Variants in GABRR1 observed in about 807,000 individuals in gnomAD.
GABRR1 encodes the protein gamma-aminobutyric acid type A receptor subunit rho1.
In GABRR1, 59 loss-of-function variants were observed where a neutral mutation model predicts 55.5. The ratio of observed to expected loss-of-function variants is 1.06; its 90% CI spans 0.86 to 1.32. The LOEUF is 1.32. Ranked by LOEUF, GABRR1 falls within the 40% of genes most tolerant of loss-of-function variation. GABRR1 has a pLI of 0.00. For synonymous variants in GABRR1, 213 were observed against 226.0 expected (o/e 0.94, Z 0.51); for missense variants, 602 against 619.1 (o/e 0.97, Z 0.29).
chr6:89,189,832 G>T (rs974975345), intron 6 of GABRR1, among the ~76,000 whole-genome samples: 2 of 152,136 alleles, frequency 1.3e-5, no homozygotes, highest in Non-Finnish European at 2.9e-5. Flanking sequence ...TGGTCACAAG[G>T]TCAGGCGTTG....
Position 89,185,373 on chromosome 6 carries a change from G to C in GABRR1, c.733C>G (p.Leu245Val). Residue 245 changes from leucine to valine, a missense_variant, in exon 7 of 10, where the codon CTC becomes GTC. By Grantham distance (32) the Leu-to-Val change is conservative. Transcript: ENST00000454853. ...DSLKTDERIS[L>V]SQFLIQEFHT... ...AATTCCTGAATGAGGAACTGGGAGA[G>C]TGAGATCCGTTCATCTGTCTTTAAG... 6.2e-7 allele frequency: 1 copy of C among 1,613,922 alleles called. No homozygotes were observed. The highest frequency in any genetic ancestry group is 8.5e-7 in the Non-Finnish European group (1 of 1,179,834).
chr6:89,183,788 CACTT>C (rs1371318805), intron 7 of GABRR1, among the ~76,000 whole-genome samples: 1 of 152,052 alleles, frequency 6.6e-6, no homozygotes, highest in Non-Finnish European at 1.5e-5. Context: ...CACATGTTCT[CACTT>C]ATAAGTGGGA....
At chr6:89,194,878 A>T (rs565423573) in intron 5 of GABRR1, among the ~76,000 whole-genome samples, 10 of 152,316 alleles carry the variant, frequency 6.6e-5, no homozygotes, top group Admixed American at 5.2e-4. Context: ...AAGGCTGCTT[A>T]TAAGATATGG....
At chr6:89,188,199 T>C (rs1771972201) in intron 6 of GABRR1, among the ~76,000 whole-genome samples, 1 of 152,050 alleles carries the variant, frequency 6.6e-6, no homozygotes, top group South Asian at 2.1e-4. Context: ...CATTTTTGTA[T>C]TTTTTGTAGA....
At chr6:89,199,838 A>C (rs3777530) in intron 3 of GABRR1, among the ~76,000 whole-genome samples, 120,758 of 152,150 alleles carry the variant, frequency 0.79, 48,495 homozygotes, top group East Asian at 0.96. Context: ...TGGTAATAGG[A>C]ACTCAGAACC....
rs534992592 is a variant in GABRR1, at chr6:89,190,551, C to T, written c.573-304G>A. On this transcript the variant is annotated intron_variant, in intron 5 of 9. Transcript: ENST00000454853. ...TGAATATAATAATGTGAAATAAAAA[C>T]TTACATGATATGGTTTCTTAAAAGA... Among the ~76,000 whole-genome samples the T allele has an allele frequency of 7.2e-5, 11 of 152,260 alleles. No homozygotes were observed. The South Asian group carries it at 1.7e-3, about 23-fold the overall frequency.
chr6:89,228,746 T>G (rs1355263556), intron 1 of GABRR1, among the ~76,000 whole-genome samples: 3 of 150,014 alleles, frequency 2.0e-5, no homozygotes, highest in Non-Finnish European at 4.5e-5. Context: ...ATTCTGTTGA[T>G]TTGGGGTGGA....
chr6:89,220,043 T>C (rs1363018330), upstream of GABRR1, among the ~76,000 whole-genome samples: 2 of 152,224 alleles, frequency 1.3e-5, no homozygotes, highest in African/African-American at 4.8e-5. Context: ...GACTTGCTGA[T>C]TTAAAGACCA....
intron 1 of GABRR1, among the ~76,000 whole-genome samples, chr6:89,230,798 G>A (rs906320297): frequency 1.3e-5 from 2 of 151,738 alleles, no homozygotes; most frequent in Admixed American, 1.3e-4. Context: ...CACCCAGTTC[G>A]AGCTTCCCAG....
At chr6:89,225,098 C>T (rs531842877) in intron 1 of GABRR1, among the ~76,000 whole-genome samples, 10 of 152,258 alleles carry the variant, frequency 6.6e-5, no homozygotes, top group African/African-American at 2.4e-4. Flanking sequence ...AGAATTTTTA[C>T]AGTTTCAGGT....
chr6:89,190,326 GCTTC>G (rs1432907201), intron 5 of GABRR1, 79 bp from the exon 6 acceptor site: 1 of 938,318 alleles, frequency 1.1e-6, no homozygotes, highest in Non-Finnish European at 1.6e-6. Context: ...AAAGGCCTCT[GCTTC>G]CTTCCAATAT....
chr6:89,191,406 T>C (rs1772082323), intron 5 of GABRR1, among the ~76,000 whole-genome samples: 1 of 152,200 alleles, frequency 6.6e-6, no homozygotes, highest in Admixed American at 6.5e-5. Context: ...TGAAATAAGC[T>C]AAGAACTAAC....
intron 5 of GABRR1, among the ~76,000 whole-genome samples, chr6:89,197,685 TG>T (rs898680805): frequency 2.6e-5 from 4 of 152,150 alleles, no homozygotes; most frequent in African/African-American, 9.6e-5. Flanking sequence ...AGTTCTAAAA[TG>T]TTCCCAAAAA....
At chr6:89,196,823 G>GAAGGAAAGAAAGAA (rs1324431417) in intron 5 of GABRR1, among the ~76,000 whole-genome samples, 1 of 6,032 alleles carries the variant, frequency 1.7e-4, no homozygotes, top group Non-Finnish European at 3.9e-4. Flanking sequence ...AGAAAAGAAG[G>GAAGGAAAGAAAGAA]AAAGAAAGAA....
chr6:89,229,091 C>CT (rs1258264663), intron 1 of GABRR1, among the ~76,000 whole-genome samples: 5 of 151,820 alleles, frequency 3.3e-5, no homozygotes, highest in Admixed American at 1.3e-4. Context: ...CAACCCCTGC[C>CT]TTTTTTTGTT....
intron 1 of GABRR1, among the ~76,000 whole-genome samples, chr6:89,210,036 A>G (rs1229387710): frequency 1.3e-5 from 2 of 152,136 alleles, no homozygotes; most frequent in Admixed American, 1.3e-4. Flanking sequence ...GGAAAGCACC[A>G]GAAGTGGAAA....
At chr6:89,196,734 G>A (rs564419765) in intron 5 of GABRR1, among the ~76,000 whole-genome samples, 2 of 151,304 alleles carry the variant, frequency 1.3e-5, no homozygotes, top group African/African-American at 4.9e-5. Flanking sequence ...CCACGATCAC[G>A]CCAGTGCACT....
intron 3 of GABRR1, 90 bp downstream of exon 3, chr6:89,201,069 G>T: frequency 1.1e-6 from 1 of 912,960 alleles, no homozygotes; most frequent in Non-Finnish European, 1.8e-6. Context: ...GGTCAGCGGA[G>T]AGCAAAGCTG....
chr6:89,201,046 C>G (rs1348788171), intron 3 of GABRR1, 113 bp downstream of exon 3: 4 of 756,090 alleles, frequency 5.3e-6, no homozygotes, highest in Admixed American at 2.1e-5. Context: ...CCAAGCACAA[C>G]TGAGGCAGAC....
Sources: allele counts gnomAD v4.1 joint callset (sites outside exome capture counted in the v4.1 genomes callset), GRCh38; gene constraint gnomAD v4.1.1; transcripts MANE v1.5; gene names NCBI Gene and HGNC (gene_info 2026-07-23, HGNC 2026-07-21).